Variants in IL5RA observed in about 807,000 individuals in gnomAD.
The protein encoded by IL5RA is interleukin-5 receptor subunit alpha.
Under a neutral mutation model 50.0 loss-of-function variants are expected in IL5RA, and 49 were observed. That is an observed-to-expected ratio of 0.98 (90% CI 0.78 to 1.24). The LOEUF is 1.24. Ranked by LOEUF, IL5RA falls within the 50% of genes most tolerant of loss-of-function variation. The pLI, the probability that IL5RA is intolerant of heterozygous loss-of-function variation, is 0.00. For synonymous variants in IL5RA, 202 were observed against 174.0 expected (o/e 1.16, Z -1.26); for missense variants, 600 against 500.4 (o/e 1.20, Z -1.90).
At chr3:3,096,057 T>G (rs1703349337) in intron 7 of IL5RA, among the ~76,000 whole-genome samples, 1 of 152,096 alleles carries the variant, frequency 6.6e-6, no homozygotes, top group Admixed American at 6.5e-5. Flanking sequence ...GGCGGGTGGA[T>G]CACGAGGTCA....
At chr3:3,074,998 A>T in intron 10 of IL5RA, 132 bp from the exon 11 acceptor site, 1 of 633,720 alleles carries the variant, frequency 1.6e-6, no homozygotes, top group Non-Finnish European at 2.8e-6. Context: ...ACGTACCAAG[A>T]CTTCCAAAAT....
rs1476443792 is a variant in IL5RA, at chr3:3,103,625, C to T, written c.83-805G>A. ...AAAGGTTTCTTCCCCCTGCATGAGC[C>T]ATTCTCTGACTTTGCTTTCAAAATT... On this transcript the variant is annotated intron_variant, in intron 3 of 11. Coordinates refer to ENST00000446632, the MANE Select transcript of IL5RA (RefSeq NM_175726.4). Among the ~76,000 whole-genome samples, 5 of 152,172 alleles carry T rather than the reference C, an allele frequency of 3.3e-5. No individual in the cohort carries two copies. In the East Asian group the frequency reaches 9.6e-4, roughly 29 times the overall value.
intron 10 of IL5RA, among the ~76,000 whole-genome samples, chr3:3,075,326 C>T (rs1409735676): frequency 6.6e-6 from 1 of 150,776 alleles, no homozygotes; most frequent in Admixed American, 6.6e-5. Flanking sequence ...CCTCAGCCTC[C>T]TGAGTAGCTG....
intron 5 of IL5RA, among the ~76,000 whole-genome samples, chr3:3,100,727 A>G (rs964093138): frequency 2.6e-5 from 4 of 152,326 alleles, no homozygotes; most frequent in Admixed American, 1.3e-4. Context: ...GAAAGGAGGA[A>G]TGGTGGTTTG....
chr3:3,091,609 G>A (rs1559870272), intron 9 of IL5RA, among the ~76,000 whole-genome samples: 1 of 152,148 alleles, frequency 6.6e-6, no homozygotes, highest in Non-Finnish European at 1.5e-5. Context: ...GCATGTGCCT[G>A]CAGTCCCAGC....
intron 9 of IL5RA, among the ~76,000 whole-genome samples, chr3:3,077,459 AC>A (rs1702526483): frequency 1.3e-5 from 2 of 152,184 alleles, no homozygotes; most frequent in Admixed American, 1.3e-4. Flanking sequence ...TCTTTTAAGT[AC>A]TAGAAAGGCG....
rs1704119278 is a variant in IL5RA at position 3,110,243 on chromosome 3, T to C, written c.-444A>G. On this transcript the variant is annotated 5_prime_UTR_variant, in exon 1 of 12. Transcript: ENST00000446632. ...CCAGATAGCCATTATCTGATAACTGTCTTGTCTGCATTTTCACTCTCTTTC... is the reference window on the plus strand; with the variant it reads ...CCAGATAGCCATTATCTGATAACTGCCTTGTCTGCATTTTCACTCTCTTTC... The C allele has an allele frequency of 6.6e-6, 1 of 152,250 alleles. No individual in the cohort carries two copies. Among genetic ancestry groups the C allele is most frequent in the Non-Finnish European group, 1.5e-5 (1 of 68,054 alleles). The allele number at this position is 152,250 out of a possible 1,614,324, so 9.4% of individuals were successfully genotyped here. A position where few individuals can be genotyped will look rare whatever the true frequency, so the allele number is the denominator to read the frequency against.
intron 2 of IL5RA, among the ~76,000 whole-genome samples, chr3:3,106,370 G>C (rs755141908): frequency 1.1e-4 from 16 of 152,096 alleles, no homozygotes; most frequent in Non-Finnish European, 2.2e-4. Context: ...TATTACTTAA[G>C]TTGCTACAAT....
intron 9 of IL5RA, among the ~76,000 whole-genome samples, chr3:3,090,598 A>C (rs1559869292): frequency 1.7e-5 from 2 of 116,680 alleles, no homozygotes; most frequent in African/African-American, 3.6e-5. Context: ...ATGGAGTCTC[A>C]CTCTATTGCC....
At chr3:3,087,504 T>C (rs563058374) in intron 9 of IL5RA, among the ~76,000 whole-genome samples, 3 of 152,356 alleles carry the variant, frequency 2.0e-5, no homozygotes, top group Admixed American at 1.3e-4. Flanking sequence ...TAATCAAATC[T>C]ATTCTAATTC....
Position 3,081,448 on chromosome 3 carries a change from A to G in IL5RA, c.995-4821T>C, listed in dbSNP as rs569526507. Among the ~76,000 whole-genome samples the G allele has an allele frequency of 4.6e-5, 7 of 152,334 alleles. No individual in the cohort carries two copies. In the South Asian group the frequency reaches 1.5e-3, roughly 32 times the overall value. On this transcript the variant is annotated intron_variant, in intron 9 of 11. Transcript: ENST00000446632. Reference sequence around the variant, plus strand: ...ATGCAAATTCAGCAAGTGGTACATCAGCAGAAAAAAAGTTATCCTGTTTAT... The same window carrying G: ...ATGCAAATTCAGCAAGTGGTACATCGGCAGAAAAAAAGTTATCCTGTTTAT...
intron 8 of IL5RA, among the ~76,000 whole-genome samples, chr3:3,094,206 C>T (rs1361486056): frequency 6.6e-6 from 1 of 152,022 alleles, no homozygotes; most frequent in Non-Finnish European, 1.5e-5. Context: ...GTTGTGTCAC[C>T]AATGTTCAAC....
chr3:3,072,772 C>T (rs779855552), intron 11 of IL5RA, among the ~76,000 whole-genome samples: 18 of 152,130 alleles, frequency 1.2e-4, no homozygotes, highest in South Asian at 2.1e-4. Context: ...ATTAGCTGGG[C>T]GTGGTGGCGG....
chr3:3,074,772 T>G lies in IL5RA; in HGVS notation c.1176+10A>C. On this transcript the variant is annotated intron_variant, in intron 11 of 11. Transcript: ENST00000446632. ...CACATACGGCATATCATAAGAACTT[T>G]CAACATTACCTCATAGTTAGTGGTT... 6.5e-7 allele frequency: 1 copy of G among 1,546,378 alleles called. No individual in the cohort carries two copies. The highest frequency in any genetic ancestry group is 8.9e-7 in the Non-Finnish European group (1 of 1,118,384).
rs3762762 is a variant in IL5RA at position 3,089,739 on chromosome 3, C to T, written c.994+2485G>A. On this transcript the variant is annotated intron_variant, in intron 9 of 11. Transcript: ENST00000446632. ...TGCCTCCTGGGTTCAAGTGATTCTC[C>T]TGCCTCCCGAGTAGCTGGGACTACA... 3.3e-5 allele frequency among the ~76,000 whole-genome samples: 5 copies of T among 152,150 alleles called. No individual in the cohort carries two copies. In the East Asian group the frequency reaches 9.7e-4, roughly 29 times the overall value.
chr3:3,094,198 T>C (rs1256716579), intron 8 of IL5RA, among the ~76,000 whole-genome samples: 2 of 152,234 alleles, frequency 1.3e-5, no homozygotes, highest in African/African-American at 2.4e-5. Flanking sequence ...TTCACATTGT[T>C]GTGTCACCAA....
chr3:3,088,544 G>C (rs1391677124), intron 9 of IL5RA, among the ~76,000 whole-genome samples: 2 of 152,198 alleles, frequency 1.3e-5, no homozygotes, highest in Non-Finnish European at 2.9e-5. Context: ...ATAACATAGA[G>C]CTAGATGTTG....
At chr3:3,098,096 A>G in intron 6 of IL5RA, 39 bp from the exon 7 acceptor site, 1 of 1,613,964 alleles carries the variant, frequency 6.2e-7, no homozygotes, top group South Asian at 1.1e-5. Context: ...AGGTTGCAGG[A>G]AACAACCATT....
chr3:3,079,392 G>T (rs994641175), intron 9 of IL5RA, among the ~76,000 whole-genome samples: 6 of 152,106 alleles, frequency 3.9e-5, no homozygotes, highest in African/African-American at 1.4e-4. Flanking sequence ...CAAGCCCCCA[G>T]ACCTGAAGCC....
Sources: gnomAD v4.1 joint callset for allele counts (sites outside exome capture counted in the v4.1 genomes callset) on GRCh38, gnomAD v4.1.1 for gene constraint, MANE v1.5 for transcripts, NCBI Gene and HGNC (gene_info 2026-07-23, HGNC 2026-07-21) for gene names.